Variants in FAAH2 observed in about 807,000 individuals in gnomAD.
FAAH2 encodes the protein fatty-acid amide hydrolase 2.
FAAH2 carries 60 observed loss-of-function variants against 36.9 expected under a neutral mutation model. The observed-to-expected ratio is 1.63, with a 90% CI of 1.32 to 2.02. The LOEUF (loss-of-function observed/expected upper bound fraction) is 2.02. FAAH2 is among the 30% of genes most tolerant of loss of function. The probability of loss-of-function intolerance (pLI) is 0.00; values close to 1 mark genes in which losing one functional copy is unlikely to be tolerated. For synonymous variants in FAAH2, 214 were observed against 143.8 expected, an observed-to-expected ratio of 1.49 and a Z score of -3.49; for missense variants, 689 against 397.5, an observed-to-expected ratio of 1.73 and a Z score of -6.23.
the FAAH2 span, among the ~76,000 whole-genome samples, chrX:57,228,400 C>A: frequency 9.0e-6 from 1 of 111,333 alleles, no homozygotes; most frequent in Non-Finnish European, 1.9e-5. Context: ...GAACTTCTCC[C>A]ACAAACAGAC....
chrX:57,218,378 A>G, the FAAH2 span, among the ~76,000 whole-genome samples: 92 of 112,022 alleles, frequency 8.2e-4, no homozygotes, highest in African/African-American at 2.6e-3. Context: ...TGTCCCTTGT[A>G]TGCCAATTTT....
intron 7 of FAAH2, among the ~76,000 whole-genome samples, chrX:57,415,921 C>A (rs1447788869): frequency 9.0e-6 from 1 of 111,325 alleles, no homozygotes. Flanking sequence ...GTATTGGGTG[C>A]ATATATATTT....
chrX:57,400,608 C>T (rs956653419), intron 7 of FAAH2, among the ~76,000 whole-genome samples: 4 of 112,080 alleles, frequency 3.6e-5, no homozygotes, highest in African/African-American at 1.3e-4. Flanking sequence ...TTTCACTGTA[C>T]CTGGGAATCC....
chrX:57,353,249 G>A (rs1391137074), intron 5 of FAAH2, among the ~76,000 whole-genome samples: 1 of 109,496 alleles, frequency 9.1e-6, no homozygotes, highest in Admixed American at 9.8e-5. Context: ...AAAAACAGAT[G>A]CATAGGTCAA....
intron 5 of FAAH2, among the ~76,000 whole-genome samples, chrX:57,358,578 T>G (rs1361297577): frequency 5.4e-5 from 6 of 111,270 alleles, no homozygotes; most frequent in Admixed American, 9.6e-5. Context: ...TGTGTATATA[T>G]ATAGAGAGAG....
chrX:57,249,434 A>C, the FAAH2 span, among the ~76,000 whole-genome samples: 4 of 112,216 alleles, frequency 3.6e-5, no homozygotes, highest in African/African-American at 1.3e-4. Context: ...AAGATTAACA[A>C]ATTTTTCCAA....
At chrX:57,135,888 G>A in the FAAH2 span, 4 of 1,209,810 alleles carry the variant, frequency 3.3e-6, no homozygotes, top group Admixed American at 8.7e-5. Context: ...GAAATACACA[G>A]AGGGTTTGGT....
intron 7 of FAAH2, among the ~76,000 whole-genome samples, chrX:57,423,319 G>A (rs2056082170): frequency 8.9e-6 from 1 of 111,823 alleles, no homozygotes; most frequent in Non-Finnish European, 1.9e-5. Context: ...GAACTGAGAG[G>A]TGAGTGTGGC....
chrX:57,227,731 C>A, the FAAH2 span, among the ~76,000 whole-genome samples: 1 of 111,476 alleles, frequency 9.0e-6, no homozygotes, highest in Admixed American at 9.5e-5. Context: ...TGTCCTTTGT[C>A]TCCTGCCACC....
chrX:57,242,654 G>A, the FAAH2 span, among the ~76,000 whole-genome samples: 2 of 111,702 alleles, frequency 1.8e-5, no homozygotes, highest in Non-Finnish European at 3.8e-5. Context: ...GAAGTGCAAG[G>A]GGTTGAGGAA....
At chrX:57,247,090 TATA>T in the FAAH2 span, among the ~76,000 whole-genome samples, 1 of 111,804 alleles carries the variant, frequency 8.9e-6, no homozygotes, top group African/African-American at 3.2e-5. Context: ...TAATGGGTAA[TATA>T]AGAATATATA....
the FAAH2 span, among the ~76,000 whole-genome samples, chrX:57,154,732 G>A: frequency 1.7e-4 from 19 of 110,435 alleles, no homozygotes; most frequent in East Asian, 5.1e-3. Flanking sequence ...ATGTTTTTGG[G>A]GGTGTTAAAC....
At chrX:57,282,693 T>C (rs1268357345), upstream of FAAH2, among the ~76,000 whole-genome samples, 2 of 112,146 alleles carry the variant, frequency 1.8e-5, no homozygotes, top group African/African-American at 6.5e-5. Flanking sequence ...TTAACAGTAT[T>C]TTCGGTGTTG....
At chrX:57,439,039 G>A (rs981161216) in intron 8 of FAAH2, among the ~76,000 whole-genome samples, 1 of 110,831 alleles carries the variant, frequency 9.0e-6, no homozygotes, top group Non-Finnish European at 1.9e-5. Context: ...CTTCGCTATT[G>A]CAGATAGTGA....
chrX:57,186,701 A>G, the FAAH2 span, among the ~76,000 whole-genome samples: 1 of 112,091 alleles, frequency 8.9e-6, no homozygotes, highest in Admixed American at 9.5e-5. Context: ...TTTAGGTTTC[A>G]CATTTAAGTC....
At chrX:57,409,538 G>C (rs1232374654) in intron 7 of FAAH2, among the ~76,000 whole-genome samples, 1 of 110,670 alleles carries the variant, frequency 9.0e-6, no homozygotes, top group African/African-American at 3.3e-5. Flanking sequence ...CTTTTTTTGG[G>C]AGAGTTGATT....
the FAAH2 span, among the ~76,000 whole-genome samples, chrX:57,152,818 T>C: frequency 4.5e-5 from 5 of 111,096 alleles, no homozygotes; most frequent in African/African-American, 1.6e-4. Flanking sequence ...ATGAACCCGG[T>C]ACCTCAGATG....
the FAAH2 span, among the ~76,000 whole-genome samples, chrX:57,277,359 T>A: frequency 8.9e-6 from 1 of 111,736 alleles, no homozygotes; most frequent in Non-Finnish European, 1.9e-5. Flanking sequence ...GAAATGGCCT[T>A]CAACAAAATT....
At chrX:57,442,756 C>T (rs1439405300) in intron 8 of FAAH2, among the ~76,000 whole-genome samples, 1 of 111,747 alleles carries the variant, frequency 8.9e-6, no homozygotes, top group East Asian at 2.8e-4. Flanking sequence ...ACTGGTTGTT[C>T]CTTTCCATGT....
Sources: allele counts gnomAD v4.1 joint callset (sites outside exome capture counted in the v4.1 genomes callset), GRCh38; gene constraint gnomAD v4.1.1; transcripts MANE v1.5; gene names NCBI Gene and HGNC (gene_info 2026-07-23, HGNC 2026-07-21).